Variants in SYNE2 observed in about 807,000 individuals in gnomAD.
The protein encoded by SYNE2 is nesprin-2.
Under a neutral mutation model 856.3 loss-of-function variants are expected in SYNE2, and 431 were observed. That is an observed-to-expected ratio of 0.50 (90% confidence interval 0.47 to 0.55). SYNE2 has a LOEUF of 0.55. Among genes scored for constraint, SYNE2 ranks in the 20% least tolerant of loss-of-function variants. The pLI, the probability that SYNE2 is intolerant of heterozygous loss-of-function variation, is 0.00. For synonymous variants in SYNE2, 2,923 were observed against 2,872.3 expected, an observed-to-expected ratio of 1.02 and a Z score of -0.56; for missense variants, 8,129 against 8,023.2, an observed-to-expected ratio of 1.01 and a Z score of -0.50.
chr14:63,925,237 G>T (rs891204871), intron 2 of SYNE2, among the ~76,000 whole-genome samples: 4 of 152,180 alleles, frequency 2.6e-5, no homozygotes, highest in African/African-American at 9.7e-5. Context: ...TGGGAGGATT[G>T]CTTGAGCCCA....
At chr14:64,196,498 C>T (rs369841136) in intron 99 of SYNE2, among the ~76,000 whole-genome samples, 25 of 152,308 alleles carry the variant, frequency 1.6e-4, no homozygotes, top group African/African-American at 5.8e-4. Context: ...AAATGACCCT[C>T]CTAAACCAGG....
intron 45 of SYNE2, among the ~76,000 whole-genome samples, chr14:64,044,725 T>C (rs1300772207): frequency 6.6e-6 from 1 of 152,140 alleles, no homozygotes; most frequent in Non-Finnish European, 1.5e-5. Flanking sequence ...GATCTGATTG[T>C]TTTAAGAAAC....
rs768853189 is a variant in SYNE2 at position 64,025,363 on chromosome 14, T to C, written c.6194T>C (p.Met2065Thr). 8.1e-6 allele frequency: 13 copies of C among 1,613,812 alleles called. No individual in the cohort carries two copies. The highest frequency in any genetic ancestry group is 1.7e-5 in the Admixed American group (1 of 59,992). ...HWIKEIKESL[M>T]VLNSSEGKMP... Reference sequence around the variant, plus strand: ...ATAAAAGAGATTAAAGAGTCCCTTATGGTTTTGAATTCATCCGAAGGCAAA... The same window carrying C: ...ATAAAAGAGATTAAAGAGTCCCTTACGGTTTTGAATTCATCCGAAGGCAAA... Residue 2065 changes from methionine to threonine, a missense_variant, in exon 41 of 116, where the codon ATG becomes ACG. By Grantham distance (81) the Met-to-Thr change is moderately conservative. Transcript: ENST00000555002.
At chr14:63,989,106 G>C (rs954715976) in intron 19 of SYNE2, among the ~76,000 whole-genome samples, 1 of 152,092 alleles carries the variant, frequency 6.6e-6, no homozygotes, top group Non-Finnish European at 1.5e-5. Context: ...TGAATTATCT[G>C]TTCTTAGATT....
Position 64,214,360 on chromosome 14 carries a change from C to T in SYNE2, c.19223C>T (p.Thr6408Ile), listed in dbSNP as rs756775041. 6.2e-7 allele frequency: 1 copy of T among 1,614,110 alleles called. No homozygotes were observed. The highest frequency in any genetic ancestry group is 8.5e-7 in the Non-Finnish European group (1 of 1,180,024). Residue 6408 changes from threonine to isoleucine, a missense_variant, in exon 106 of 116, where the codon ACC becomes ATC. By Grantham distance (89) the Thr-to-Ile change is moderately conservative. Around this residue, in one of 3 missense-constraint regions of SYNE2, gnomAD observed 5,410 missense variants for 5,284.8 expected, o/e 1.02. Transcript: ENST00000555002. The stretch of plus-strand genomic sequence containing the variant: ...GGGCACGAGCGGTCTGGCTGCGAGA[C>T]CCCTGTCAGCGTGGACTCCATCCCC... Reference protein sequence around the residue: ...APGHERSGCETPVSVDSIPLE... With the variant: ...APGHERSGCEIPVSVDSIPLE...
intron 45 of SYNE2, among the ~76,000 whole-genome samples, chr14:64,039,067 A>G (rs541912166): frequency 1.9e-4 from 29 of 152,076 alleles, no homozygotes; most frequent in Non-Finnish European, 4.0e-4. Context: ...ATACTAAGAA[A>G]TTGGCAGCCT....
chr14:64,176,680 C>G (rs762322934), intron 95 of SYNE2, among the ~76,000 whole-genome samples: 63 of 152,080 alleles, frequency 4.1e-4, no homozygotes, highest in Non-Finnish European at 6.9e-4. Context: ...AACAGTTACT[C>G]CGTACAGTAG....
At chr14:63,943,293 G>C (rs1320215482) in intron 6 of SYNE2, among the ~76,000 whole-genome samples, 1 of 152,176 alleles carries the variant, frequency 6.6e-6, no homozygotes, top group Non-Finnish European at 1.5e-5. Flanking sequence ...TTATAGTTCT[G>C]ACTTTATAAA....
chr14:63,940,970 A>G (rs747729842), intron 3 of SYNE2, among the ~76,000 whole-genome samples: 4 of 152,244 alleles, frequency 2.6e-5, no homozygotes, highest in Non-Finnish European at 5.9e-5. Context: ...ACTGATTTGC[A>G]TATAATAAAT....
intron 19 of SYNE2, among the ~76,000 whole-genome samples, chr14:63,989,418 A>G (rs1373306444): frequency 6.6e-6 from 1 of 151,996 alleles, no homozygotes; most frequent in African/African-American, 2.4e-5. Flanking sequence ...GCTCACTACA[A>G]TCTCTACCTC....
chr14:64,113,383 G>A lies in SYNE2; in HGVS notation c.12652G>A (p.Asp4218Asn). The change falls in exon 66 of 116, where the codon GAC (aspartate) becomes AAC (asparagine). Residue 4218 changes from aspartate (D) to asparagine (N), a missense_variant. Coordinates refer to ENST00000555002, the MANE Select transcript of SYNE2 (RefSeq NM_182914.3). ...PIEADTLDSS[D>N]AQGGLEPRVE... is the part of the protein sequence containing the mutation. ...TGAGGCTGACACTCTGGACTCTTCT[G>A]ACGCGCAAGGAGGTTTGGAGCCCAG... 6.2e-7 allele frequency: 1 copy of A among 1,614,140 alleles called. No individual in the cohort carries two copies. Among genetic ancestry groups the A allele is most frequent in the Non-Finnish European group, 8.5e-7 (1 of 1,180,044 alleles).
In SYNE2 at chr14:64,126,378, C is replaced by G. The variant is rs1198983606; in HGVS notation, c.13606C>G (p.Leu4536Val). 6.2e-7 allele frequency: 1 copy of G among 1,614,094 alleles called. No individual in the cohort carries two copies. The highest frequency in any genetic ancestry group is 8.5e-7 in the Non-Finnish European group (1 of 1,179,968). Residue 4536 changes from leucine (L) to valine (V), a missense_variant, in exon 72 of 116, where the codon CTA becomes GTA. Coordinates refer to ENST00000555002, the MANE Select transcript of SYNE2 (RefSeq NM_182914.3). The stretch of plus-strand genomic sequence containing the variant: ...CAATTTGGATAAAAAATTGTTTGAA[C>G]TATTCCTGACCCTCAGTCAGTGCCT... ...YINLDKKLFE[L>V]FLTLSQCLSS...
rs767696368 is a variant in SYNE2 at position 64,143,943 on chromosome 14, A to C, written c.15478A>C (p.Arg5160=). ...QWHRVHGMLN[R]KIQHLEQLLE... is the part of the protein sequence containing the mutation. ...GCACCGTGTACATGGAATGCTGAAT[A>C]GAAAGGTGTGTTCCTGCGTCACAAC... Residue 5160 remains arginine (R), a synonymous_variant, in exon 83 of 116, where the codon AGA becomes CGA. Transcript: ENST00000555002. 6.2e-7 allele frequency: 1 copy of C among 1,614,186 alleles called. No individual in the cohort carries two copies. Among genetic ancestry groups the C allele is most frequent in the South Asian group, 1.1e-5 (1 of 91,084 alleles).
At chr14:63,841,832 CTTT>C (rs34947861) in intron 1 of SYNE2, among the ~76,000 whole-genome samples, 1 of 115,078 alleles carries the variant, frequency 8.7e-6, no homozygotes, top group Non-Finnish European at 1.7e-5. Flanking sequence ...TTCTTTCTTT[CTTT>C]TTTTTTTTTT....
chr14:64,142,619 G>T (rs2098148173), intron 82 of SYNE2, among the ~76,000 whole-genome samples: 1 of 152,126 alleles, frequency 6.6e-6, no homozygotes, highest in African/African-American at 2.4e-5. Flanking sequence ...CTCCTATCAT[G>T]CATTATTATA....
chr14:64,149,354 A>T (rs1239052977), intron 84 of SYNE2, among the ~76,000 whole-genome samples: 1 of 152,176 alleles, frequency 6.6e-6, no homozygotes, highest in African/African-American at 2.4e-5. Context: ...TGATTGATGT[A>T]TACTTTAATG....
chr14:64,010,226 T>TA, intron 32 of SYNE2, 110 bp downstream of exon 32: 1 of 1,192,866 alleles, frequency 8.4e-7, no homozygotes, highest in Non-Finnish European at 1.2e-6. Flanking sequence ...TAAAAGAAGT[T>TA]ACTAGTGACC....
At chr14:63,804,970 T>C (rs934432117) in intron 1 of SYNE2, among the ~76,000 whole-genome samples, 1 of 152,236 alleles carries the variant, frequency 6.6e-6, no homozygotes, top group Non-Finnish European at 1.5e-5. Context: ...GGCAGCCAGT[T>C]ATCCCTGCAC....
chr14:63,935,480 A>C (rs1437792273), intron 2 of SYNE2, among the ~76,000 whole-genome samples: 2 of 152,212 alleles, frequency 1.3e-5, no homozygotes, highest in Non-Finnish European at 2.9e-5. Flanking sequence ...GCTCTTGTCT[A>C]CTTCAAAATT....
Sources: allele counts gnomAD v4.1 joint callset (sites outside exome capture counted in the v4.1 genomes callset), GRCh38; gene constraint gnomAD v4.1.1; regional missense constraint gnomAD v4.1.1; transcripts MANE v1.5; gene names NCBI Gene and HGNC (gene_info 2026-07-23, HGNC 2026-07-21).